ZNF654: variants seen among roughly 807,000 people sequenced by gnomAD.
The protein encoded by ZNF654 is melanoma-associated antigen.
Under a neutral mutation model 95.3 loss-of-function variants are expected in ZNF654, and 19 were observed. The observed-to-expected ratio is 0.20, with a 90% CI of 0.14 to 0.29. The LOEUF (loss-of-function observed/expected upper bound fraction) is 0.29, where lower values mean the gene tolerates loss of function less well. Ranked by LOEUF, ZNF654 falls within the 10% of genes least tolerant of loss-of-function variation. The pLI is 1.00. For missense variants in ZNF654, 1,046 were observed against 1,341.0 expected (o/e 0.78, Z 3.44); for synonymous variants, 413 against 457.9 (o/e 0.90, Z 1.25).
chr3:88,116,646 G>A (rs1283950694), intron 3 of ZNF654, among the ~76,000 whole-genome samples: 2 of 151,198 alleles, frequency 1.3e-5, no homozygotes, highest in African/African-American at 4.9e-5. Context: ...GTATATATAT[G>A]GCTTTTCATG....
intron 3 of ZNF654, among the ~76,000 whole-genome samples, chr3:88,121,449 C>T (rs1312034666): frequency 6.6e-6 from 1 of 152,028 alleles, no homozygotes; most frequent in Admixed American, 6.6e-5. Context: ...TTTGTAAAAA[C>T]TTTCTATTGA....
At chr3:88,102,987 C>A (rs1013494555) in intron 2 of ZNF654, among the ~76,000 whole-genome samples, 1 of 151,952 alleles carries the variant, frequency 6.6e-6, no homozygotes, top group South Asian at 2.1e-4. Context: ...TACCCTCTGC[C>A]CCACTAGTAG....
At position 88,129,728 on chromosome 3, in the gene ZNF654, C is replaced by T; in HGVS notation, c.795C>T (p.Ile265=). 6.5e-7 allele frequency: 1 copy of T among 1,527,326 alleles called. No homozygotes were observed. The highest frequency in any genetic ancestry group is 8.8e-7 in the Non-Finnish European group (1 of 1,141,126). The allele number at this position is 1,527,326 out of a possible 1,614,324, so 94.6% of individuals were successfully genotyped here. A position where few individuals can be genotyped will look rare whatever the true frequency, so the allele number is the denominator to read the frequency against. The change falls in exon 6 of 9, where the codon ATC becomes ATT. Residue 265 remains isoleucine (I), a synonymous_variant. Coordinates refer to ENST00000636215, the MANE Select transcript of ZNF654 (RefSeq NM_001350134.2). ...ATTGTAAGAGTGGAATTGATATCAT[C>T]TGTAATGCTGAAAAAGAAGGCAAAA... ...KTDCKSGIDI[I]CNAEKEGKTM...
chr3:88,069,481 A>G (rs778090009), intron 1 of ZNF654, among the ~76,000 whole-genome samples: 1 of 152,208 alleles, frequency 6.6e-6, no homozygotes, highest in Non-Finnish European at 1.5e-5. Flanking sequence ...TGAATGGGAT[A>G]TGCTTAGATG....
At chr3:88,119,035 G>A (rs542326512) in intron 3 of ZNF654, among the ~76,000 whole-genome samples, 32 of 149,334 alleles carry the variant, frequency 2.1e-4, no homozygotes, top group African/African-American at 6.0e-4. Context: ...CCATTACTGG[G>A]TATATACCCA....
chr3:88,091,305 TAATA>T (rs1386987156), intron 2 of ZNF654, among the ~76,000 whole-genome samples: 1 of 152,274 alleles, frequency 6.6e-6, no homozygotes, highest in African/African-American at 2.4e-5. Context: ...TAATAAAAAA[TAATA>T]AATAATCACA....
Position 88,135,083 on chromosome 3 carries a change from A to G in ZNF654, c.916A>G (p.Lys306Glu). Residue 306 changes from lysine to glutamate, a missense_variant, in exon 7 of 9, where the codon AAA (lysine) becomes GAA (glutamate). By Grantham distance (56) the Lys-to-Glu change is moderately conservative (BLOSUM62 1). Around this residue, in one of 9 missense-constraint regions of ZNF654, gnomAD observed 121 missense variants for 141.7 expected, o/e 0.85. Coordinates refer to ENST00000636215, the MANE Select transcript of ZNF654 (RefSeq NM_001350134.2). ...CAGGGAGTTGATTTTCATATGGAGT[A>G]AACTACAGCTTAAATCTAATCCTTC... Reference protein sequence around the residue: ...CIWELIFIWSKLQLKSNPSKQ... With the variant: ...CIWELIFIWSELQLKSNPSKQ... 2.7e-6 allele frequency: 4 copies of G among 1,456,898 alleles called. No individual in the cohort carries two copies. The highest frequency in any genetic ancestry group is 3.6e-6 in the Non-Finnish European group (4 of 1,114,574). The allele number at this position is 1,456,898 out of a possible 1,614,324, so 90.2% of individuals were successfully genotyped here. A position where few individuals can be genotyped will look rare whatever the true frequency, so the allele number is the denominator to read the frequency against.
At chr3:88,127,444 G>GA (rs1706180527) in intron 4 of ZNF654, among the ~76,000 whole-genome samples, 1 of 57,848 alleles carries the variant, frequency 1.7e-5, no homozygotes, top group African/African-American at 4.0e-5. Flanking sequence ...TGGAAAGGGA[G>GA]TTAAAAAAAA....
At chr3:88,120,504 A>G (rs1576319974) in intron 3 of ZNF654, among the ~76,000 whole-genome samples, 1 of 152,152 alleles carries the variant, frequency 6.6e-6, no homozygotes, top group Admixed American at 6.6e-5. Flanking sequence ...TAATTGTAGA[A>G]ATGGCAAGGA....
chr3:88,065,606 T>C (rs915710340), intron 1 of ZNF654, among the ~76,000 whole-genome samples: 4 of 152,144 alleles, frequency 2.6e-5, no homozygotes, highest in Non-Finnish European at 4.4e-5. Context: ...TATGGCTGAA[T>C]TTTATTTTTT....
At chr3:88,117,408 T>A (rs1226810523) in intron 3 of ZNF654, among the ~76,000 whole-genome samples, 1 of 152,086 alleles carries the variant, frequency 6.6e-6, no homozygotes, top group African/African-American at 2.4e-5. Context: ...CTGGATTTTT[T>A]TAAGAGGAAA....
intron 1 of ZNF654, among the ~76,000 whole-genome samples, chr3:88,060,993 C>T (rs1185410116): frequency 1.3e-5 from 2 of 152,042 alleles, no homozygotes; most frequent in Admixed American, 6.5e-5. Flanking sequence ...TATTTAATGA[C>T]TTTCTTGAAA....
intron 7 of ZNF654, among the ~76,000 whole-genome samples, chr3:88,136,735 G>A (rs1251957503): frequency 6.6e-6 from 1 of 152,146 alleles, no homozygotes; most frequent in Admixed American, 6.5e-5. Context: ...TACTTAAAGG[G>A]ATTTGAATGC....
chr3:88,133,634 C>G (rs1706595898), intron 6 of ZNF654, among the ~76,000 whole-genome samples: 2 of 152,096 alleles, frequency 1.3e-5, no homozygotes, highest in Admixed American at 6.6e-5. Context: ...AGCAGTTTAG[C>G]TGAGAGTTAG....
At chr3:88,078,074 A>G (rs1234664137) in intron 1 of ZNF654, among the ~76,000 whole-genome samples, 2 of 152,238 alleles carry the variant, frequency 1.3e-5, no homozygotes, top group Non-Finnish European at 2.9e-5. Context: ...TATATTAGCA[A>G]GTATAATACT....
intron 4 of ZNF654, among the ~76,000 whole-genome samples, chr3:88,127,767 G>T (rs1706206808): frequency 6.6e-6 from 1 of 152,132 alleles, no homozygotes. Context: ...ATACTCCTTT[G>T]ATACCTATAC....
chr3:88,077,204 G>T (rs1368737875), intron 1 of ZNF654, among the ~76,000 whole-genome samples: 6 of 152,094 alleles, frequency 3.9e-5, no homozygotes, highest in African/African-American at 9.7e-5. Flanking sequence ...GATTGTGAAT[G>T]AATTTTTGTT....
At position 88,140,009 on chromosome 3, in the gene ZNF654, A is replaced by G. The variant is rs1559737535; in HGVS notation, c.2340A>G (p.Thr780=). ...CAACCGATTTAAATGTGCGACAAAC[A>G]GTAATGAAGTGGAGCAAAGGAAAAT... ...VHPTDLNVRQ[T]VMKWSKGKCK... The change falls in exon 8 of 9, where the codon ACA becomes ACG. Residue 780 remains threonine (T), a synonymous_variant. Transcript: ENST00000636215. 2 of 1,613,840 alleles carry G rather than the reference A, an allele frequency of 1.2e-6. No individual in the cohort carries two copies. Among genetic ancestry groups the G allele is most frequent in the Non-Finnish European group, 1.7e-6 (2 of 1,179,812 alleles).
At chr3:88,091,784 C>G (rs1398443257) in intron 2 of ZNF654, among the ~76,000 whole-genome samples, 3 of 152,174 alleles carry the variant, frequency 2.0e-5, no homozygotes, top group African/African-American at 7.2e-5. Flanking sequence ...TGCTCTCTTG[C>G]CTGCCGCCAT....
Sources: gnomAD v4.1 joint callset for allele counts (sites outside exome capture counted in the v4.1 genomes callset) on GRCh38, gnomAD v4.1.1 for gene constraint, gnomAD v4.1.1 regional missense constraint, MANE v1.5 for transcripts, NCBI Gene and HGNC (gene_info 2026-07-23, HGNC 2026-07-21) for gene names.